CRIM1: variants seen among roughly 807,000 people sequenced by gnomAD.
The protein encoded by CRIM1 is cysteine rich transmembrane BMP regulator 1.
A neutral mutation model predicts 116.4 loss-of-function variants in CRIM1; 32 were observed. That is an observed-to-expected ratio of 0.27 (90% CI 0.21 to 0.37). The LOEUF (loss-of-function observed/expected upper bound fraction) is 0.37, where lower values mean the gene tolerates loss of function less well. CRIM1 is among the 10% of genes least tolerant of loss of function. The probability of loss-of-function intolerance (pLI) is 1.00; values close to 1 mark genes in which losing one functional copy is unlikely to be tolerated. For missense variants in CRIM1, 1,331 were observed against 1,354.8 expected, an observed-to-expected ratio of 0.98 and a Z score of 0.28; for synonymous variants, 590 against 509.2, an observed-to-expected ratio of 1.16 and a Z score of -2.13.
chr2:36,509,896 TGGA>T, intron 8 of CRIM1, 84 bp from the exon 9 acceptor site: 1 of 1,166,544 alleles, frequency 8.6e-7, no homozygotes, highest in Admixed American at 2.2e-5. Flanking sequence ...TGTGGAAGAG[TGGA>T]GGATTCAGGG....
At chr2:36,534,864 C>T (rs1157171950) in intron 13 of CRIM1, among the ~76,000 whole-genome samples, 1 of 152,034 alleles carries the variant, frequency 6.6e-6, no homozygotes, top group Non-Finnish European at 1.5e-5. Context: ...TACGGTAACA[C>T]TGTTACTCAA....
chr2:36,367,539 G>T (rs2148294610), intron 1 of CRIM1, among the ~76,000 whole-genome samples: 1 of 152,290 alleles, frequency 6.6e-6, no homozygotes, highest in South Asian at 2.1e-4. Context: ...TCAAGACAGG[G>T]GAACTGAATC....
At chr2:36,441,648 C>A in intron 3 of CRIM1, 148 bp downstream of exon 3, 1 of 1,004,968 alleles carries the variant, frequency 1.0e-6, no homozygotes, top group Non-Finnish European at 1.4e-6. Context: ...CTAATGGCAG[C>A]TTGACTTCTG....
intron 2 of CRIM1, among the ~76,000 whole-genome samples, chr2:36,417,110 A>C (rs1673679305): frequency 6.6e-6 from 1 of 152,170 alleles, no homozygotes; most frequent in African/African-American, 2.4e-5. Flanking sequence ...GTCATTCTGC[A>C]TGGTGCAGAT....
intron 2 of CRIM1, among the ~76,000 whole-genome samples, chr2:36,401,314 C>T (rs892840042): frequency 2.0e-5 from 3 of 152,174 alleles, no homozygotes; most frequent in African/African-American, 7.2e-5. Flanking sequence ...TACTGGATAA[C>T]AGTCAGCCGT....
intron 1 of CRIM1, among the ~76,000 whole-genome samples, chr2:36,358,989 A>G (rs1437932625): frequency 6.6e-6 from 1 of 152,202 alleles, no homozygotes; most frequent in Non-Finnish European, 1.5e-5. Flanking sequence ...TAAAAAAAGA[A>G]TTAGAGGAGC....
intron 2 of CRIM1, among the ~76,000 whole-genome samples, chr2:36,438,274 A>T (rs1291462858): frequency 1.3e-5 from 2 of 152,250 alleles, no homozygotes; most frequent in East Asian, 1.9e-4. Flanking sequence ...ATGTAATAGA[A>T]TATGATAAGA....
intron 4 of CRIM1, among the ~76,000 whole-genome samples, chr2:36,464,044 A>G (rs1677796036): frequency 6.6e-6 from 1 of 152,198 alleles, no homozygotes; most frequent in Non-Finnish European, 1.5e-5. Flanking sequence ...TAAAAAGCTA[A>G]TAACTTAATC....
intron 2 of CRIM1, among the ~76,000 whole-genome samples, chr2:36,420,474 A>G (rs145123966): frequency 9.2e-5 from 14 of 152,300 alleles, no homozygotes; most frequent in African/African-American, 3.4e-4. Flanking sequence ...TCAACTGTTC[A>G]GTCCGTCAAG....
At chr2:36,518,765 A>C (rs531987945) in intron 12 of CRIM1, among the ~76,000 whole-genome samples, 7 of 152,314 alleles carry the variant, frequency 4.6e-5, no homozygotes, top group Admixed American at 1.3e-4. Context: ...AACCCTACTG[A>C]TGTTTTTTGT....
At chr2:36,479,853 T>A (rs547724315) in intron 7 of CRIM1, among the ~76,000 whole-genome samples, 159 bp downstream of exon 7, 1 of 152,260 alleles carries the variant, frequency 6.6e-6, no homozygotes, top group Non-Finnish European at 1.5e-5. Context: ...AACTGATGAT[T>A]TGAGGAAAGG....
chr2:36,532,024 GA>G (rs1476252885), intron 13 of CRIM1: 11 of 470,084 alleles, frequency 2.3e-5, no homozygotes, highest in Non-Finnish European at 3.5e-5. Flanking sequence ...CTTTGTTTCT[GA>G]AAGAGGCCAA....
rs148704453 is a variant in CRIM1, at chr2:36,369,403, T to C, written c.331+12780T>C. On this transcript the variant is annotated intron_variant, in intron 1 of 16. Transcript: ENST00000280527. ...CCAGCAGTCTTAACATTTGCCTCCA[T>C]GTTCTTTCCAGCAAGGATGAGTGCA... Among the ~76,000 whole-genome samples the C allele has an allele frequency of 1.6e-3, 243 of 152,316 alleles. 1 individual carries two copies. Among genetic ancestry groups the C allele is most frequent in the African/African-American group, 5.5e-3 (229 of 41,576 alleles).
chr2:36,368,387 G>A (rs1002662950), intron 1 of CRIM1, among the ~76,000 whole-genome samples: 1 of 152,300 alleles, frequency 6.6e-6, no homozygotes, highest in Non-Finnish European at 1.5e-5. Context: ...CAAGCCAACT[G>A]CGAAGCTTGG....
intron 1 of CRIM1, among the ~76,000 whole-genome samples, chr2:36,361,531 A>G (rs1669222878): frequency 6.6e-6 from 1 of 152,126 alleles, no homozygotes; most frequent in Non-Finnish European, 1.5e-5. Context: ...GACCCTAAGG[A>G]GGTAATGAGG....
chr2:36,366,045 C>T (rs749782362), intron 1 of CRIM1, among the ~76,000 whole-genome samples: 1 of 152,182 alleles, frequency 6.6e-6, no homozygotes. Flanking sequence ...ATTTGCTTAA[C>T]TGTGACTCTT....
At chr2:36,513,276 A>G in intron 10 of CRIM1, 1 of 384,950 alleles carries the variant, frequency 2.6e-6, no homozygotes, top group Non-Finnish European at 4.7e-6. Context: ...GTGCTTGTTT[A>G]TTGTATAAAA....
At chr2:36,443,692 A>G (rs1304234232) in intron 4 of CRIM1, among the ~76,000 whole-genome samples, 1 of 152,222 alleles carries the variant, frequency 6.6e-6, no homozygotes, top group Non-Finnish European at 1.5e-5. Flanking sequence ...ATGGTTGGAT[A>G]AGATAGGAGT....
At chr2:36,531,988 A>T (rs1338890266) in intron 13 of CRIM1, 1 of 470,884 alleles carries the variant, frequency 2.1e-6, no homozygotes, top group Admixed American at 2.3e-5. Flanking sequence ...TGATGGCAGA[A>T]GTAAATCTTT....
Sources: allele counts gnomAD v4.1 joint callset (sites outside exome capture counted in the v4.1 genomes callset), GRCh38; gene constraint gnomAD v4.1.1; transcripts MANE v1.5; gene names NCBI Gene and HGNC (gene_info 2026-07-23, HGNC 2026-07-21).